Variants in PRCP observed in about 807,000 individuals in gnomAD.
PRCP encodes the protein lysosomal Pro-X carboxypeptidase.
A neutral mutation model predicts 54.2 loss-of-function variants in PRCP; 46 were observed. The observed-to-expected ratio is 0.85, with a 90% CI of 0.67 to 1.09. The LOEUF (loss-of-function observed/expected upper bound fraction) is 1.09. Ranked by LOEUF, PRCP falls within the 50% of genes least tolerant of loss-of-function variation. PRCP has a pLI of 0.00. For synonymous variants in PRCP, 240 were observed against 212.2 expected, an observed-to-expected ratio of 1.13 and a Z score of -1.14; for missense variants, 613 against 596.8, an observed-to-expected ratio of 1.03 and a Z score of -0.28.
intron 8 of PRCP, chr11:82,827,556 A>G (rs1858267540): frequency 1.3e-5 from 2 of 152,206 alleles, no homozygotes; most frequent in Admixed American, 1.3e-4. Context: ...CTTTTGTTAA[A>G]AATCAATATG....
At position 82,849,152 on chromosome 11, in the gene PRCP, T is replaced by A; in HGVS notation, c.818A>T (p.Gln273Leu). The change falls in exon 6 of 9, where the codon CAA (glutamine) becomes CTA (leucine). Residue 273 changes from glutamine to leucine, a missense_variant. By Grantham distance (113) the Gln-to-Leu change is moderately radical. Coordinates refer to ENST00000313010, the MANE Select transcript of PRCP (RefSeq NM_005040.4). ...LCSPLTSQDIQHLKDWISETW... is the reference protein window; with the variant it reads ...LCSPLTSQDILHLKDWISETW... Reference sequence around the variant, plus strand: ...TTCAGAGATCCAGTCTTTCAAATGTTGGATGTCCTGAGAAGTTAATGGGCT... The same window carrying A: ...TTCAGAGATCCAGTCTTTCAAATGTAGGATGTCCTGAGAAGTTAATGGGCT... The A allele has an allele frequency of 6.2e-7, 1 of 1,614,100 alleles. No individual in the cohort carries two copies.
chr11:82,831,840 A>G (rs1385178848), intron 8 of PRCP, among the ~76,000 whole-genome samples: 1 of 152,058 alleles, frequency 6.6e-6, no homozygotes, highest in African/African-American at 2.4e-5. Context: ...CATCTACATT[A>G]GGTATTTCTC....
intron 8 of PRCP, chr11:82,837,219 G>T: frequency 5.1e-6 from 1 of 194,246 alleles, no homozygotes; most frequent in Non-Finnish European, 1.2e-5. Flanking sequence ...CCATGCCAAA[G>T]CTAACCAATT....
At chr11:82,845,423 A>G (rs1858785022) in intron 6 of PRCP, among the ~76,000 whole-genome samples, 1 of 152,206 alleles carries the variant, frequency 6.6e-6, no homozygotes, top group Admixed American at 6.5e-5. Context: ...CTCCTCTCAG[A>G]GCATGGTCCA....
At chr11:82,859,137 GT>G (rs1486033798) in intron 2 of PRCP, among the ~76,000 whole-genome samples, 1 of 152,174 alleles carries the variant, frequency 6.6e-6, no homozygotes, top group African/African-American at 2.4e-5. Flanking sequence ...ACATTTCCTA[GT>G]CACAGCACTG....
Position 82,824,972 on chromosome 11 carries a change from G to A in PRCP, c.1425C>T (p.Ser475=), listed in dbSNP as rs774830648. The change falls in exon 9 of 9, where the codon TCC becomes TCT. Residue 475 remains serine, a synonymous_variant. Coordinates refer to ENST00000313010, the MANE Select transcript of PRCP (RefSeq NM_005040.4). ...LDPMSVLLAR[S]LEVRHMKNWI... The stretch of plus-strand genomic sequence containing the variant: ...AATTCTTCATATGTCTAACTTCCAA[G>A]GAGCGGGCTAACAGCACAGACATAG... 4 of 1,613,980 alleles carry A rather than the reference G, an allele frequency of 2.5e-6. No individual in the cohort carries two copies. In the South Asian group the frequency reaches 4.4e-5, roughly 18 times the overall value.
chr11:82,901,356 C>G (rs1033680234), upstream of PRCP: 1 of 212,470 alleles, frequency 4.7e-6, no homozygotes, highest in African/African-American at 2.3e-5. Context: ...CCCCCTTCCT[C>G]CCTCCGCCCG....
intron 1 of PRCP, among the ~76,000 whole-genome samples, chr11:82,891,030 A>T (rs1466882642): frequency 1.3e-5 from 2 of 152,228 alleles, no homozygotes; most frequent in Non-Finnish European, 2.9e-5. Context: ...TTTACATACC[A>T]TCTGTATACT....
chr11:82,870,890 G>A (rs11827524), intron 1 of PRCP, among the ~76,000 whole-genome samples: 82,944 of 151,916 alleles, frequency 0.55, 23,424 homozygotes, highest in African/African-American at 0.69. Context: ...GCCTGAATAT[G>A]CCCAGAGCTA....
At chr11:82,838,275 A>T in intron 8 of PRCP, 112 bp downstream of exon 8, 1 of 967,492 alleles carries the variant, frequency 1.0e-6, no homozygotes. Flanking sequence ...GACAGGTAGC[A>T]CTGTTGTATT....
chr11:82,825,392 T>C, intron 8 of PRCP: 1 of 356,178 alleles, frequency 2.8e-6, no homozygotes, highest in East Asian at 6.3e-5. Context: ...GATATGAAAT[T>C]TAGAAACCTG....
At chr11:82,837,618 T>C (rs1440365873) in intron 8 of PRCP, among the ~76,000 whole-genome samples, 2 of 152,246 alleles carry the variant, frequency 1.3e-5, no homozygotes, top group African/African-American at 4.8e-5. Context: ...GCATCTCCTA[T>C]TTCTATATAG....
chr11:82,896,284 T>C (rs999400649), intron 1 of PRCP, among the ~76,000 whole-genome samples: 4 of 152,210 alleles, frequency 2.6e-5, no homozygotes, highest in African/African-American at 9.6e-5. Context: ...AATATCATTC[T>C]AGATGTTTTT....
chr11:82,892,283 C>T (rs574582498), intron 1 of PRCP, among the ~76,000 whole-genome samples: 94 of 151,792 alleles, frequency 6.2e-4, no homozygotes, highest in Middle Eastern at 3.2e-3. Context: ...TTTCAAAAAG[C>T]GATTATATTA....
intron 6 of PRCP, among the ~76,000 whole-genome samples, chr11:82,842,594 T>A (rs564246610): frequency 6.6e-6 from 1 of 152,366 alleles, no homozygotes; most frequent in Admixed American, 6.5e-5. Flanking sequence ...CCCTTGGGGC[T>A]AAATCTTTCT....
intron 1 of PRCP, among the ~76,000 whole-genome samples, chr11:82,876,713 C>T (rs926035278): frequency 2.6e-5 from 4 of 152,208 alleles, no homozygotes; most frequent in Admixed American, 6.5e-5. Context: ...GATTCTGAGG[C>T]CTCCCCAGCC....
chr11:82,842,213 A>G (rs1487007216), intron 6 of PRCP, among the ~76,000 whole-genome samples: 2 of 152,314 alleles, frequency 1.3e-5, no homozygotes, highest in African/African-American at 4.8e-5. Context: ...ATGAATAGCC[A>G]TCTCCACAAA....
intron 1 of PRCP, among the ~76,000 whole-genome samples, chr11:82,888,884 C>A (rs561864429): frequency 7.2e-5 from 11 of 152,170 alleles, no homozygotes; most frequent in African/African-American, 2.4e-4. Flanking sequence ...AAATAATACT[C>A]TAGGAAAAAC....
chr11:82,837,822 T>C (rs988263078), intron 8 of PRCP, among the ~76,000 whole-genome samples: 10 of 152,194 alleles, frequency 6.6e-5, no homozygotes, highest in African/African-American at 2.2e-4. Context: ...ATGGGATTTG[T>C]AGTCAGGCCA....
Sources: allele counts gnomAD v4.1 joint callset (sites outside exome capture counted in the v4.1 genomes callset), GRCh38; gene constraint gnomAD v4.1.1; transcripts MANE v1.5; gene names NCBI Gene and HGNC (gene_info 2026-07-23, HGNC 2026-07-21).